The following PTCHD4 variants were observed in gnomAD, a reference collection of about 807,000 sequenced individuals.
PTCHD4 encodes patched domain containing 4, also known as patched domain-containing protein 4.
A neutral mutation model predicts 58.1 loss-of-function variants in PTCHD4; 33 were observed. The observed-to-expected ratio is 0.57, with a 90% CI of 0.43 to 0.76. The LOEUF is 0.76. Ranked by LOEUF, PTCHD4 falls within the 30% of genes least tolerant of loss-of-function variation. The probability of loss-of-function intolerance (pLI) is 0.00; values close to 1 mark genes in which losing one functional copy is unlikely to be tolerated. For missense variants in PTCHD4, 1,058 were observed against 1,027.1 expected (o/e 1.03, Z -0.41); for synonymous variants, 478 against 409.6 (o/e 1.17, Z -2.02).
chr6:47,906,277 T>A (rs999432227), intron 4 of PTCHD4, among the ~76,000 whole-genome samples: 4 of 152,142 alleles, frequency 2.6e-5, no homozygotes, highest in Admixed American at 6.5e-5. Flanking sequence ...GTTAGGCCAG[T>A]TCACAGCTGT....
chr6:48,000,597 C>T (rs1162475223), intron 4 of PTCHD4, among the ~76,000 whole-genome samples: 1 of 152,134 alleles, frequency 6.6e-6, no homozygotes, highest in East Asian at 1.9e-4. Context: ...ACCTCCTTCC[C>T]CAAGTTTGTT....
At chr6:48,050,430 G>A (rs1186586216) in intron 3 of PTCHD4, among the ~76,000 whole-genome samples, 4 of 151,996 alleles carry the variant, frequency 2.6e-5, no homozygotes, top group South Asian at 2.1e-4. Flanking sequence ...ACTGAAGACT[G>A]AGGGAACTAT....
intron 3 of PTCHD4, among the ~76,000 whole-genome samples, chr6:48,046,691 T>C (rs332579): frequency 6.6e-5 from 10 of 151,520 alleles, no homozygotes; most frequent in African/African-American, 1.9e-4. Context: ...TGTTTAATAA[T>C]ACATATCTTG....
In PTCHD4 at chr6:47,864,565, G is replaced by A. The variant is rs569658242; in HGVS notation, c.*13738C>T. On this transcript the variant is annotated 3_prime_UTR_variant, in exon 5 of 5. Coordinates refer to ENST00000339488, the MANE Select transcript of PTCHD4 (RefSeq NM_001384253.1). ...CCCAAAGGGCATCGCATAAAGCTACGTGGATGATCAAGCTGCTGTGTGGCC... is the reference window on the plus strand; with the variant it reads ...CCCAAAGGGCATCGCATAAAGCTACATGGATGATCAAGCTGCTGTGTGGCC... Among the ~76,000 whole-genome samples, 60 of 151,972 alleles carry A rather than the reference G, an allele frequency of 3.9e-4. No individual in the cohort carries two copies. The highest frequency in any genetic ancestry group is 1.3e-3 in the African/African-American group (54 of 41,494).
At chr6:48,049,720 T>C (rs531932272) in intron 3 of PTCHD4, among the ~76,000 whole-genome samples, 1 of 151,994 alleles carries the variant, frequency 6.6e-6, no homozygotes, top group Non-Finnish European at 1.5e-5. Flanking sequence ...TCTGTATATA[T>C]GTGACATGTG....
At chr6:47,972,163 A>G (rs1767536112) in intron 4 of PTCHD4, among the ~76,000 whole-genome samples, 1 of 152,194 alleles carries the variant, frequency 6.6e-6, no homozygotes, top group South Asian at 2.1e-4. Flanking sequence ...AAAGTGGGCT[A>G]AATCTTCGCA....
At chr6:47,960,780 G>A (rs1767054125) in intron 4 of PTCHD4, among the ~76,000 whole-genome samples, 1 of 151,672 alleles carries the variant, frequency 6.6e-6, no homozygotes, top group Non-Finnish European at 1.5e-5. Flanking sequence ...TAATAACAGA[G>A]CTTCAAAATA....
rs1763367612 is a variant in PTCHD4, at chr6:47,859,331, G to A, written c.*18972C>T. On this transcript the variant is annotated 3_prime_UTR_variant, in exon 5 of 5. Coordinates refer to ENST00000339488, the MANE Select transcript of PTCHD4 (RefSeq NM_001384253.1). Reference sequence around the variant, plus strand: ...TCTGCCAAAGGAAACCATGTCTTTTGTTAAAGTTTAAGCTACTGATAAATA... The same window carrying A: ...TCTGCCAAAGGAAACCATGTCTTTTATTAAAGTTTAAGCTACTGATAAATA... Among the ~76,000 whole-genome samples the A allele has an allele frequency of 6.6e-6, 1 of 151,956 alleles. No individual in the cohort carries two copies.
chr6:48,005,471 T>G lies in PTCHD4; in HGVS notation c.898+3163A>C, dbSNP rs186265401. ...AGTTTTGACACCATGTAAACTGTAA[T>G]TCATCAAAAACTGGTTTCAACCATT... is the stretch of plus-strand genomic sequence containing the variant. On this transcript the variant is annotated intron_variant, in intron 4 of 4. Transcript: ENST00000339488. 2.3e-3 allele frequency among the ~76,000 whole-genome samples: 351 copies of G among 152,330 alleles called. 2 individuals carry two copies. The highest frequency in any genetic ancestry group is 3.8e-3 in the Non-Finnish European group (260 of 68,034).
intron 4 of PTCHD4, among the ~76,000 whole-genome samples, chr6:47,999,239 G>C (rs1244267044): frequency 6.6e-6 from 1 of 152,182 alleles, no homozygotes; most frequent in East Asian, 1.9e-4. Flanking sequence ...AGGTTAAGAG[G>C]CAGGAGCTGG....
chr6:48,099,849 TG>T (rs1765561200), intron 1 of PTCHD4, among the ~76,000 whole-genome samples: 1 of 152,242 alleles, frequency 6.6e-6, no homozygotes, highest in South Asian at 2.1e-4. Context: ...TTTAGGTGCA[TG>T]TTTACTATGC....
chr6:47,984,277 C>G (rs1767985921), intron 4 of PTCHD4, among the ~76,000 whole-genome samples: 1 of 152,152 alleles, frequency 6.6e-6, no homozygotes, highest in South Asian at 2.1e-4. Context: ...CTCACAGTTC[C>G]TCATGGCTGG....
Position 48,108,798 on chromosome 6 carries a change from C to T in PTCHD4, c.-970+2251G>A, listed in dbSNP as rs1449888543. On this transcript the variant is annotated intron_variant, in intron 1 of 4. Transcript: ENST00000339488. ...GAATATAAACAATGATAAATCTAGGCTTCATAATACAGAGAACAACAACAA... is the reference window on the plus strand; with the variant it reads ...GAATATAAACAATGATAAATCTAGGTTTCATAATACAGAGAACAACAACAA... 1.1e-4 allele frequency among the ~76,000 whole-genome samples: 16 copies of T among 151,688 alleles called. No homozygotes were observed. The East Asian group carries it at 2.5e-3, about 24-fold the overall frequency.
In PTCHD4 at chr6:47,969,353, T is replaced by A. The variant is rs971584402; in HGVS notation, c.898+39281A>T. Reference sequence around the variant, plus strand: ...TCAAGCGTGCATTTACTTGTTGAAATCCCTTTTTGCATTCATGGGTTTAGA... The same window carrying A: ...TCAAGCGTGCATTTACTTGTTGAAAACCCTTTTTGCATTCATGGGTTTAGA... On this transcript the variant is annotated intron_variant, in intron 4 of 4. Coordinates refer to ENST00000339488, the MANE Select transcript of PTCHD4 (RefSeq NM_001384253.1). Among the ~76,000 whole-genome samples the A allele has an allele frequency of 2.0e-5, 3 of 152,254 alleles. No homozygotes were observed. The East Asian group carries it at 5.8e-4, about 29-fold the overall frequency.
intron 3 of PTCHD4, among the ~76,000 whole-genome samples, chr6:48,031,305 T>G (rs1344196052): frequency 6.6e-6 from 1 of 152,012 alleles, no homozygotes; most frequent in Non-Finnish European, 1.5e-5. Flanking sequence ...CTATGTTGCC[T>G]GTTAGTAATT....
At chr6:48,086,390 G>C (rs1267713765) in intron 1 of PTCHD4, among the ~76,000 whole-genome samples, 2 of 151,952 alleles carry the variant, frequency 1.3e-5, no homozygotes, top group Non-Finnish European at 2.9e-5. Flanking sequence ...TCTGAATCTG[G>C]CCTTTGGGCT....
intron 3 of PTCHD4, among the ~76,000 whole-genome samples, chr6:48,064,592 C>T (rs1011860229): frequency 6.6e-6 from 1 of 151,810 alleles, no homozygotes; most frequent in African/African-American, 2.4e-5. Context: ...GGGTCAAAAG[C>T]ACTTTAAAGA....
At chr6:47,986,375 C>T (rs1241617820) in intron 4 of PTCHD4, among the ~76,000 whole-genome samples, 1 of 152,124 alleles carries the variant, frequency 6.6e-6, no homozygotes, top group African/African-American at 2.4e-5. Context: ...GTTATTATTA[C>T]ATCTTCATTG....
At chr6:47,912,405 G>A (rs1268843268) in intron 4 of PTCHD4, among the ~76,000 whole-genome samples, 2 of 152,116 alleles carry the variant, frequency 1.3e-5, no homozygotes, top group Non-Finnish European at 2.9e-5. Context: ...TTGAGTAGGA[G>A]AATTCTGTAA....
Sources: gnomAD v4.1 joint callset for allele counts (sites outside exome capture counted in the v4.1 genomes callset) on GRCh38, gnomAD v4.1.1 for gene constraint, MANE v1.5 for transcripts, NCBI Gene and HGNC (gene_info 2026-07-23, HGNC 2026-07-21) for gene names.